TMEM132E: variants seen among roughly 807,000 people sequenced by gnomAD.
The protein encoded by TMEM132E is transmembrane protein 132E.
Under a neutral mutation model 78.5 loss-of-function variants are expected in TMEM132E, and 49 were observed. The observed-to-expected ratio is 0.62, with a 90% CI of 0.50 to 0.79. The LOEUF (loss-of-function observed/expected upper bound fraction) is 0.79. Among genes scored for constraint, TMEM132E ranks in the 30% least tolerant of loss-of-function variants. The pLI, the probability that TMEM132E is intolerant of heterozygous loss-of-function variation, is 0.00. For synonymous variants in TMEM132E, 715 were observed against 670.6 expected (o/e 1.07, Z -1.02); for missense variants, 1,403 against 1,470.9 (o/e 0.95, Z 0.75).
intron 4 of TMEM132E, 98 bp downstream of exon 4, chr17:34,629,302 T>C (rs1907267309): frequency 7.5e-7 from 1 of 1,342,118 alleles, no homozygotes; most frequent in Non-Finnish European, 1.0e-6. Context: ...ATGTACAAAT[T>C]GACATGTGTG....
At chr17:34,631,637 C>CCA (rs1907352403) in intron 5 of TMEM132E, among the ~76,000 whole-genome samples, 1 of 152,176 alleles carries the variant, frequency 6.6e-6, no homozygotes, top group Admixed American at 6.5e-5. Flanking sequence ...TCCCATCCCT[C>CCA]CACCCACCCC....
intron 6 of TMEM132E, among the ~76,000 whole-genome samples, chr17:34,634,281 C>CA (rs1243240594): frequency 1.3e-5 from 2 of 152,210 alleles, no homozygotes; most frequent in African/African-American, 2.4e-5. Context: ...TCTCTCCTCT[C>CA]ACATTTGACT....
rs1198513194 is a variant in TMEM132E at position 34,629,223 on chromosome 17, A to G, written c.1338+19A>G. 6.2e-7 allele frequency: 1 copy of G among 1,612,104 alleles called. No homozygotes were observed. On this transcript the variant is annotated intron_variant, in intron 4 of 8. Coordinates refer to ENST00000631683, the MANE Select transcript of TMEM132E (RefSeq NM_001304438.2). The stretch of plus-strand genomic sequence containing the variant: ...GGCCATGGTGAGCAGGCAGGTGACC[A>G]GCCCAGAAGATGCCTGGGTCTATGC...
chr17:34,596,382 C>T (rs1906060888), intron 1 of TMEM132E, among the ~76,000 whole-genome samples: 1 of 152,192 alleles, frequency 6.6e-6, no homozygotes, highest in African/African-American at 2.4e-5. Flanking sequence ...GTCACAGAGA[C>T]AGAATTAGCA....
intron 1 of TMEM132E, among the ~76,000 whole-genome samples, chr17:34,601,959 G>C (rs1476317331): frequency 6.6e-6 from 1 of 152,216 alleles, no homozygotes; most frequent in African/African-American, 2.4e-5. Flanking sequence ...GTGGGAGAGG[G>C]GGGACCCCAG....
At chr17:34,625,989 G>C in intron 1 of TMEM132E, 138 bp from the exon 2 acceptor site, 1 of 800,316 alleles carries the variant, frequency 1.2e-6, no homozygotes, top group South Asian at 1.9e-5. Context: ...CCGGAGGATG[G>C]ACAGCCAGGC....
chr17:34,598,097 T>C (rs1220358735), intron 1 of TMEM132E, among the ~76,000 whole-genome samples: 1 of 152,188 alleles, frequency 6.6e-6, no homozygotes, highest in African/African-American at 2.4e-5. Context: ...ATAATGCATA[T>C]ATGATACTGG....
At chr17:34,619,344 C>T (rs1906882861) in intron 1 of TMEM132E, among the ~76,000 whole-genome samples, 2 of 151,548 alleles carry the variant, frequency 1.3e-5, no homozygotes, top group Non-Finnish European at 2.9e-5. Context: ...TCTTCACCAG[C>T]TCTTCCTACT....
At chr17:34,595,889 T>C (rs117161871) in intron 1 of TMEM132E, among the ~76,000 whole-genome samples, 1 of 152,326 alleles carries the variant, frequency 6.6e-6, no homozygotes, top group Non-Finnish European at 1.5e-5. Flanking sequence ...GGTATTTACA[T>C]TGAGTAACCA....
chr17:34,596,241 G>A (rs2142056148), intron 1 of TMEM132E, among the ~76,000 whole-genome samples: 1 of 152,320 alleles, frequency 6.6e-6, no homozygotes, highest in South Asian at 2.1e-4. Flanking sequence ...ACCAAGGAGT[G>A]TGGAGCCCTT....
Position 34,581,107 on chromosome 17 carries a change from G to T in TMEM132E, c.31G>T (p.Ala11Ser). Residue 11 changes from alanine (A) to serine (S), a missense_variant, in exon 1 of 9, where the codon GCC becomes TCC. Coordinates refer to ENST00000631683, the MANE Select transcript of TMEM132E (RefSeq NM_001304438.2). Reference protein sequence around the residue: MAPGMSGRGGAALLCLSALLA... With the variant: MAPGMSGRGGSALLCLSALLA... Reference sequence around the variant, plus strand: ...CCCGGGGATGTCGGGCCGCGGCGGCGCCGCCCTGCTCTGCCTCTCAGCGCT... The same window carrying T: ...CCCGGGGATGTCGGGCCGCGGCGGCTCCGCCCTGCTCTGCCTCTCAGCGCT... 1 of 1,536,150 alleles carries T rather than the reference G, an allele frequency of 6.5e-7. No individual in the cohort carries two copies.
At position 34,629,120 on chromosome 17, in the gene TMEM132E, C is replaced by T. The variant is rs907737258; in HGVS notation, c.1254C>T (p.His418=). ...RIMWHIDYRG[H]GALPDLERAV... ...TGTGGCACATTGACTACCGTGGCCA[C>T]GGCGCCCTGCCTGACCTGGAGCGGG... The change falls in exon 4 of 9, where the codon CAC becomes CAT. Residue 418 remains histidine, a synonymous_variant. Transcript: ENST00000631683. 1.9e-5 allele frequency: 30 copies of T among 1,613,316 alleles called. No homozygotes were observed. Among genetic ancestry groups the T allele is most frequent in the Non-Finnish European group, 2.4e-5 (28 of 1,179,588 alleles).
In TMEM132E at chr17:34,637,905, C is replaced by T; in HGVS notation, c.2898C>T (p.His966=). Reference sequence around the variant, plus strand: ...TGGAAACCGTGCCCGCCTTCTGCCACGGCGACCACCACAGCAGCGGCAGCT... The same window carrying T: ...TGGAAACCGTGCCCGCCTTCTGCCATGGCGACCACCACAGCAGCGGCAGCT... The part of the protein sequence containing the change: ...NPLETVPAFC[H]GDHHSSGSSQ... Residue 966 remains histidine, a synonymous_variant, in exon 9 of 9, where the codon CAC becomes CAT. Coordinates refer to ENST00000631683, the MANE Select transcript of TMEM132E (RefSeq NM_001304438.2). 6.2e-7 allele frequency: 1 copy of T among 1,605,744 alleles called. No homozygotes were observed.
At chr17:34,628,493 T>C in intron 2 of TMEM132E, 70 bp from the exon 3 acceptor site, 1 of 1,587,978 alleles carries the variant, frequency 6.3e-7, no homozygotes, top group Non-Finnish European at 8.6e-7. Context: ...AGTCTAGTGA[T>C]GGTGGCCAGG....
At chr17:34,619,671 C>A (rs1567717709) in intron 1 of TMEM132E, among the ~76,000 whole-genome samples, 1 of 152,014 alleles carries the variant, frequency 6.6e-6, no homozygotes, top group African/African-American at 2.4e-5. Context: ...ATGTTCCAAG[C>A]ATCTGCCATG....
intron 1 of TMEM132E, among the ~76,000 whole-genome samples, chr17:34,586,855 T>C (rs988030777): frequency 2.6e-5 from 4 of 152,232 alleles, no homozygotes; most frequent in Non-Finnish European, 5.9e-5. Context: ...AATCTCTTTT[T>C]GCCTAAATTA....
intron 1 of TMEM132E, among the ~76,000 whole-genome samples, chr17:34,593,204 C>T (rs375802517): frequency 6.6e-6 from 1 of 150,672 alleles, no homozygotes; most frequent in Non-Finnish European, 1.5e-5. Flanking sequence ...ACCAGGAGTT[C>T]GAGACCACCC....
rs1410437715 is a variant in TMEM132E at position 34,638,352 on chromosome 17, C to T, written c.*120C>T. ...GCTGAATTGATTTTGTACTCCCTGC[C>T]CCTGCAGCTTGGCTCCGTGCGGAGC... is the stretch of plus-strand genomic sequence containing the variant. On this transcript the variant is annotated 3_prime_UTR_variant, in exon 9 of 9. Coordinates refer to ENST00000631683, the MANE Select transcript of TMEM132E (RefSeq NM_001304438.2). 8.8e-7 allele frequency: 1 copy of T among 1,135,790 alleles called. No homozygotes were observed. The highest frequency in any genetic ancestry group is 2.7e-5 in the East Asian group (1 of 37,730). The allele number at this position is 1,135,790 out of a possible 1,614,324, so 70.4% of individuals were successfully genotyped here. A position where few individuals can be genotyped will look rare whatever the true frequency, so the allele number is the denominator to read the frequency against.
intron 1 of TMEM132E, among the ~76,000 whole-genome samples, chr17:34,619,743 C>T (rs1000466158): frequency 4.6e-5 from 7 of 152,248 alleles, no homozygotes; most frequent in African/African-American, 1.4e-4. Context: ...GAAATTCTGA[C>T]TGTATAAGCC....
Sources: allele counts gnomAD v4.1 joint callset (sites outside exome capture counted in the v4.1 genomes callset), GRCh38; gene constraint gnomAD v4.1.1; transcripts MANE v1.5; gene names NCBI Gene and HGNC (gene_info 2026-07-23, HGNC 2026-07-21).